The following SLC22A23 variants were observed in gnomAD, a reference collection of about 807,000 sequenced individuals.
SLC22A23 encodes the protein ion transporter protein.
A neutral mutation model predicts 61.0 loss-of-function variants in SLC22A23; 26 were observed. The ratio of observed to expected loss-of-function variants is 0.43; its 90% CI spans 0.31 to 0.59. SLC22A23 has a LOEUF of 0.59. Ranked by LOEUF, SLC22A23 falls within the 20% of genes least tolerant of loss-of-function variation. The pLI is 0.11. For missense variants in SLC22A23, 796 were observed against 934.7 expected (o/e 0.85, Z 1.94); for synonymous variants, 430 against 413.9 (o/e 1.04, Z -0.47).
chr6:3,315,991 A>G (rs758025921), intron 4 of SLC22A23, among the ~76,000 whole-genome samples: 27 of 152,318 alleles, frequency 1.8e-4, no homozygotes, highest in Non-Finnish European at 3.4e-4. Context: ...CTTCCCAAAC[A>G]GCAGGGCTCA....
intron 2 of SLC22A23, among the ~76,000 whole-genome samples, chr6:3,413,688 T>C (rs1769442151): frequency 6.6e-6 from 1 of 152,238 alleles, no homozygotes; most frequent in African/African-American, 2.4e-5. Context: ...AGGAAGCATA[T>C]TGTATGACTT....
chr6:3,456,073 C>G lies in SLC22A23; in HGVS notation c.487G>C (p.Ala163Pro). 1 of 1,549,876 alleles carries G rather than the reference C, an allele frequency of 6.5e-7. No homozygotes were observed. Among genetic ancestry groups the G allele is most frequent in the Non-Finnish European group, 8.7e-7 (1 of 1,146,724 alleles). ...TSLPTTPFAT[A>P]PWEAAGNRSN... ...CGGTTGCCCGCAGCCTCCCAGGGGG[C>G]AGTGGCGAAGGGGGTGGTGGGGAGG... Residue 163 changes from alanine to proline, a missense_variant, in exon 1 of 10, where the codon GCC becomes CCC. By Grantham distance (27) the Ala-to-Pro change is conservative. Transcript: ENST00000406686. The surrounding 1 kb of genome is among the most constrained non-coding windows in gnomAD (Gnocchi z 7.1).
At chr6:3,415,726 C>T (rs753046730) in intron 2 of SLC22A23, 26 bp downstream of exon 2, 11 of 1,485,726 alleles carry the variant, frequency 7.4e-6, no homozygotes, top group Admixed American at 2.0e-5. Context: ...TCCAAAGGTT[C>T]GTGCGGCGGG....
chr6:3,298,318 G>C (rs550197712), intron 4 of SLC22A23, 100 bp from the exon 5 acceptor site: 1 of 1,411,538 alleles, frequency 7.1e-7, no homozygotes, highest in African/African-American at 1.5e-5. Context: ...GGCAGGTGGC[G>C]GTCAGTCTCC....
intron 3 of SLC22A23, among the ~76,000 whole-genome samples, chr6:3,347,201 C>T (rs746561691): frequency 3.3e-5 from 5 of 152,228 alleles, no homozygotes; most frequent in Admixed American, 2.0e-4. Flanking sequence ...CTTAACCCCT[C>T]GCATCACTGC....
At chr6:3,295,154 C>T (rs1046025619) in intron 5 of SLC22A23, among the ~76,000 whole-genome samples, 1 of 152,272 alleles carries the variant, frequency 6.6e-6, no homozygotes, top group African/African-American at 2.4e-5. Context: ...CTTGCCTGGC[C>T]TTGCCGCTCT....
At position 3,297,583 on chromosome 6, in the gene SLC22A23, G is replaced by T. The variant is rs888299870; in HGVS notation, c.1210+508C>A. Among the ~76,000 whole-genome samples the T allele has an allele frequency of 4.6e-5, 7 of 152,148 alleles. No homozygotes were observed. The highest frequency in any genetic ancestry group is 2.6e-4 in the Admixed American group (4 of 15,272). ...AGAACCCCCACCTAGCTGTGGTAAC[G>T]CTCCTGACACGCAGGAATTCTATGG... On this transcript the variant is annotated intron_variant, in intron 5 of 9. Transcript: ENST00000406686. The surrounding 1 kb of genome is among the most constrained non-coding windows in gnomAD (Gnocchi z 4.3).
At chr6:3,417,870 G>C (rs1393051669) in intron 1 of SLC22A23, among the ~76,000 whole-genome samples, 1 of 152,230 alleles carries the variant, frequency 6.6e-6, no homozygotes, top group Non-Finnish European at 1.5e-5. Context: ...CGTACAGCTA[G>C]GTGATGAGTT....
chr6:3,430,833 G>A (rs1440133724), intron 1 of SLC22A23, among the ~76,000 whole-genome samples: 2 of 152,180 alleles, frequency 1.3e-5, no homozygotes, highest in Admixed American at 1.3e-4. Context: ...TTGGGAGACT[G>A]AGGTGGGTGG....
chr6:3,305,354 G>A (rs746883266), intron 4 of SLC22A23, among the ~76,000 whole-genome samples: 4 of 152,314 alleles, frequency 2.6e-5, no homozygotes, highest in Middle Eastern at 3.4e-3. Context: ...ACGGCACTCC[G>A]GTGACTGAAG....
At chr6:3,274,737 T>C (rs2127283571) in intron 9 of SLC22A23, among the ~76,000 whole-genome samples, 1 of 152,290 alleles carries the variant, frequency 6.6e-6, no homozygotes, top group South Asian at 2.1e-4. Flanking sequence ...AAAATGCCAT[T>C]CACAATAACA....
At chr6:3,337,926 C>T (rs1763948677) in intron 3 of SLC22A23, among the ~76,000 whole-genome samples, 1 of 152,148 alleles carries the variant, frequency 6.6e-6, no homozygotes, top group Admixed American at 6.5e-5. Flanking sequence ...AGCTCTCTAC[C>T]CACCTTTCTG....
intron 3 of SLC22A23, among the ~76,000 whole-genome samples, chr6:3,402,338 C>T (rs1768449268): frequency 6.6e-6 from 1 of 152,226 alleles, no homozygotes; most frequent in African/African-American, 2.4e-5. Context: ...CCTGCCACTA[C>T]CTTAAGGTCA....
intron 3 of SLC22A23, among the ~76,000 whole-genome samples, chr6:3,401,287 G>A (rs1212185666): frequency 2.0e-5 from 3 of 152,190 alleles, no homozygotes; most frequent in African/African-American, 7.2e-5. Context: ...GTAGTGAGCC[G>A]AGATTGTGCC....
chr6:3,361,192 G>A (rs1343717104), intron 3 of SLC22A23, among the ~76,000 whole-genome samples: 1 of 150,910 alleles, frequency 6.6e-6, no homozygotes, highest in Non-Finnish European at 1.5e-5. Flanking sequence ...CCCCTCAACT[G>A]TCTTTCTACT....
intron 5 of SLC22A23, 84 bp from the exon 6 acceptor site, chr6:3,289,950 C>T (rs1234230448): frequency 1.9e-6 from 2 of 1,047,938 alleles, no homozygotes; most frequent in Admixed American, 1.9e-5. Flanking sequence ...CCTGGTTCCC[C>T]AGTTCGGGTA....
chr6:3,270,228 A>T lies in SLC22A23; in HGVS notation c.*2827T>A, dbSNP rs1758392565. ...AAGTTGAAACAGTGGGTGCCTGCGA[A>T]GGGTCTCCCTATTAGCCAGGAAGGG... On this transcript the variant is annotated 3_prime_UTR_variant, in exon 10 of 10. Coordinates refer to ENST00000406686, the MANE Select transcript of SLC22A23 (RefSeq NM_015482.2). 2 of 152,472 alleles carry T rather than the reference A, an allele frequency of 1.3e-5. No individual in the cohort carries two copies. The highest frequency in any genetic ancestry group is 4.1e-4 in the South Asian group (2 of 4,824). 9.4% of individuals were successfully genotyped at this position (152,472 alleles called of 1,614,324 possible).
intron 9 of SLC22A23, among the ~76,000 whole-genome samples, chr6:3,280,571 C>T (rs1468887479): frequency 7.1e-6 from 1 of 141,640 alleles, no homozygotes; most frequent in African/African-American, 2.6e-5. Context: ...TCTCGGCTCA[C>T]TGTAAGCTCC....
intron 5 of SLC22A23, among the ~76,000 whole-genome samples, chr6:3,293,985 C>T (rs759859305): frequency 6.6e-6 from 1 of 152,154 alleles, no homozygotes; most frequent in Non-Finnish European, 1.5e-5. Flanking sequence ...CCGGAGAGGA[C>T]TGATGCTGAG....
Sources: gnomAD v4.1 joint callset for allele counts (sites outside exome capture counted in the v4.1 genomes callset) on GRCh38, gnomAD v4.1.1 for gene constraint, Gnocchi (gnomAD v3.1) non-coding constraint, MANE v1.5 for transcripts, NCBI Gene and HGNC (gene_info 2026-07-23, HGNC 2026-07-21) for gene names.